Variants in DNHD1 observed in about 807,000 individuals in gnomAD.
DNHD1 encodes dynein heavy chain domain-containing protein 1.
Under a neutral mutation model 458.1 loss-of-function variants are expected in DNHD1, and 383 were observed. The observed-to-expected ratio is 0.84, with a 90% CI of 0.77 to 0.91. The LOEUF is 0.91. Among genes scored for constraint, DNHD1 ranks in the 40% least tolerant of loss-of-function variants. The probability of loss-of-function intolerance (pLI) is 0.00; values close to 1 mark genes in which losing one functional copy is unlikely to be tolerated. For missense variants in DNHD1, 5,336 were observed against 5,866.1 expected (o/e 0.91, Z 2.95); for synonymous variants, 2,203 against 2,376.9 (o/e 0.93, Z 2.13).
rs1354298247 is a variant in DNHD1 at position 6,528,729 on chromosome 11, A to T, written c.2045A>T (p.Asp682Val). 1 of 1,551,746 alleles carries T rather than the reference A, an allele frequency of 6.4e-7. No homozygotes were observed. Residue 682 changes from aspartate to valine, a missense_variant, in exon 11 of 43, where the codon GAC becomes GTC. Asp to Val is a radical substitution (Grantham distance 152, BLOSUM62 -3). Around this residue, in one of 4 missense-constraint regions of DNHD1, gnomAD observed 3,932 missense variants for 4,365.6 expected, o/e 0.90. Coordinates refer to ENST00000254579, the MANE Select transcript of DNHD1 (RefSeq NM_144666.3). The part of the protein sequence containing the change: ...FPHNYKQLEE[D>V]LDNNPKIQQA... ...CACAATTATAAGCAGCTGGAGGAAG[A>T]CCTGGACAACAACCCTAAGATCCAG...
chr11:6,509,617 G>A (rs890834534), intron 6 of DNHD1, among the ~76,000 whole-genome samples: 8 of 152,114 alleles, frequency 5.3e-5, no homozygotes, highest in African/African-American at 1.4e-4. Flanking sequence ...TTGCACTCAC[G>A]TAATTATGTG....
In DNHD1 at chr11:6,544,978, AGCGT is replaced by A; in HGVS notation, c.4042_4045del (p.Val1348SerfsTer20). The A allele has an allele frequency of 1.3e-6, 2 of 1,551,638 alleles. No homozygotes were observed. Among genetic ancestry groups the A allele is most frequent in the South Asian group, 2.4e-5 (2 of 84,060 alleles). ...GGAGGGCATCATCATGAGTCTGGAG[AGCGT>A]GCTCTATGGGGTGTGTGCTCACTTC... is the stretch of plus-strand genomic sequence containing the variant. On this transcript the variant is annotated frameshift_variant, in exon 21 of 43. Coordinates refer to ENST00000254579, the MANE Select transcript of DNHD1 (RefSeq NM_144666.3).
At chr11:6,558,813 A>C in intron 26 of DNHD1, 89 bp from the exon 27 acceptor site, 2 of 1,509,444 alleles carry the variant, frequency 1.3e-6, no homozygotes, top group East Asian at 4.9e-5. Flanking sequence ...CACATTTCCT[A>C]CCCTTCTTCC....
In DNHD1 at chr11:6,546,057, C is replaced by G; in HGVS notation, c.5118C>G (p.Arg1706=). The G allele has an allele frequency of 6.4e-7, 1 of 1,551,278 alleles. No homozygotes were observed. The highest frequency in any genetic ancestry group is 8.7e-7 in the Non-Finnish European group (1 of 1,146,648). The change falls in exon 21 of 43, where the codon CGC becomes CGG. Residue 1706 remains arginine (R), a synonymous_variant. Coordinates refer to ENST00000254579, the MANE Select transcript of DNHD1 (RefSeq NM_144666.3). ...IVNSLAQALG[R]QLVMLPCSPQ... Reference sequence around the variant, plus strand: ...ACAGCCTGGCACAGGCCCTGGGCCGCCAGCTGGTGATGCTACCCTGCTCAC... The same window carrying G: ...ACAGCCTGGCACAGGCCCTGGGCCGGCAGCTGGTGATGCTACCCTGCTCAC...
chr11:6,564,242 T>A, intron 31 of DNHD1, 91 bp from the exon 32 acceptor site: 1 of 1,454,292 alleles, frequency 6.9e-7, no homozygotes, highest in South Asian at 1.4e-5. Context: ...CGTACTTTCC[T>A]CCACACCCCA....
chr11:6,539,120 C>T (rs561955385), intron 16 of DNHD1, 99 bp from the exon 17 acceptor site: 6 of 819,088 alleles, frequency 7.3e-6, no homozygotes, highest in Non-Finnish European at 1.2e-5. Context: ...TATCTGGGGT[C>T]TGAGCTGGGC....
intron 12 of DNHD1, among the ~76,000 whole-genome samples, chr11:6,531,264 A>G (rs1202707851): frequency 1.3e-5 from 2 of 152,160 alleles, no homozygotes; most frequent in Non-Finnish European, 2.9e-5. Flanking sequence ...CACTCTGACG[A>G]ATTAGCTTCA....
At chr11:6,515,496 A>T (rs899923160) in intron 7 of DNHD1, among the ~76,000 whole-genome samples, 1 of 152,222 alleles carries the variant, frequency 6.6e-6, no homozygotes, top group Non-Finnish European at 1.5e-5. Flanking sequence ...GCTTCAAGGC[A>T]TGACAACTCT....
rs753571942 is a variant in DNHD1, at chr11:6,570,680, C to A, written c.13168C>A (p.Pro4390Thr). The A allele has an allele frequency of 3.1e-6, 5 of 1,612,088 alleles. No homozygotes were observed. The South Asian group carries it at 5.5e-5, about 18-fold the overall frequency. ...KAQMHLLPSP[P>T]EPRLCGLSEG... ...CCAGATGCACCTACTGCCCTCACCACCTGAACCCCGGCTCTGCGGACTGAG... is the reference window on the plus strand; with the variant it reads ...CCAGATGCACCTACTGCCCTCACCAACTGAACCCCGGCTCTGCGGACTGAG... The change falls in exon 42 of 43, where the codon CCT becomes ACT. Residue 4390 changes from proline (P) to threonine (T), a missense_variant. Pro to Thr is a conservative substitution (Grantham distance 38). Around this residue, in one of 4 missense-constraint regions of DNHD1, gnomAD observed 698 missense variants for 664.9 expected, o/e 1.05. Coordinates refer to ENST00000254579, the MANE Select transcript of DNHD1 (RefSeq NM_144666.3).
At position 6,512,382 on chromosome 11, in the gene DNHD1, G is replaced by A. The variant is rs988085356; in HGVS notation, c.1392+953G>A. Among the ~76,000 whole-genome samples, 11 of 148,998 alleles carry A rather than the reference G, an allele frequency of 7.4e-5. No individual in the cohort carries two copies. The South Asian group carries it at 8.3e-4, about 11-fold the overall frequency. Reference sequence around the variant, plus strand: ...ACTACAGGCACCCACCACCATGCCCGGCTAATTTTTTTTGTATTTTTAGTA... The same window carrying A: ...ACTACAGGCACCCACCACCATGCCCAGCTAATTTTTTTTGTATTTTTAGTA... On this transcript the variant is annotated intron_variant, in intron 7 of 42. Coordinates refer to ENST00000254579, the MANE Select transcript of DNHD1 (RefSeq NM_144666.3).
chr11:6,548,534 T>C lies in DNHD1; in HGVS notation c.7099-111T>C, dbSNP rs1853270986. On this transcript the variant is annotated intron_variant, in intron 23 of 42. Coordinates refer to ENST00000254579, the MANE Select transcript of DNHD1 (RefSeq NM_144666.3). The surrounding 1 kb of genome is among the most constrained non-coding windows in gnomAD (Gnocchi z 4.4). ...ATATTTTCACAATCACAAGAATACA[T>C]GAAATATTTTCCAAGTACAGCTCTA... The C allele has an allele frequency of 6.8e-7, 1 of 1,463,238 alleles. No homozygotes were observed. The highest frequency in any genetic ancestry group is 9.2e-7 in the Non-Finnish European group (1 of 1,082,522). 90.6% of individuals were successfully genotyped at this position (1,463,238 alleles called of 1,614,324 possible).
chr11:6,557,699 C>A lies in DNHD1; in HGVS notation c.8404C>A (p.Pro2802Thr), dbSNP rs1316450978. 6.4e-7 allele frequency: 1 copy of A among 1,551,622 alleles called. No homozygotes were observed. Among genetic ancestry groups the A allele is most frequent in the Non-Finnish European group, 8.7e-7 (1 of 1,146,994 alleles). Reference protein sequence around the residue: ...QKKPQMDLISPLLLPVLLLHP... With the variant: ...QKKPQMDLISTLLLPVLLLHP... ...GAAACCCCAGATGGACCTGATCTCA[C>A]CCTTGTTGTTACCAGTGTTACTACT... The change falls in exon 25 of 43, where the codon CCC becomes ACC. Residue 2802 changes from proline to threonine, a missense_variant. Around this residue, in one of 4 missense-constraint regions of DNHD1, gnomAD observed 3,932 missense variants for 4,365.6 expected, o/e 0.90. Coordinates refer to ENST00000254579, the MANE Select transcript of DNHD1 (RefSeq NM_144666.3).
At chr11:6,510,360 C>T (rs1212133021) in intron 6 of DNHD1, among the ~76,000 whole-genome samples, 2 of 152,208 alleles carry the variant, frequency 1.3e-5, no homozygotes, top group African/African-American at 4.8e-5. Context: ...GCTGGGATTA[C>T]AGGCGTGAGC....
chr11:6,501,347 A>G (rs748649081), intron 3 of DNHD1, among the ~76,000 whole-genome samples: 92 of 151,078 alleles, frequency 6.1e-4, no homozygotes, highest in Non-Finnish European at 1.1e-3. Context: ...CCCTTAACAC[A>G]GTGCTTGAGA....
In DNHD1 at chr11:6,557,852, G is replaced by A; in HGVS notation, c.8557G>A (p.Ala2853Thr). 1 of 1,551,040 alleles carries A rather than the reference G, an allele frequency of 6.4e-7. No individual in the cohort carries two copies. Among genetic ancestry groups the A allele is most frequent in the Non-Finnish European group, 8.7e-7 (1 of 1,146,962 alleles). ...EKLEEQLATS[A>T]AQLKLSPHLA... ...GCTAGAGGAGCAGTTGGCCACCTCA[G>A]CTGCTCAACTGAAGTTGAGCCCCCA... The change falls in exon 25 of 43, where the codon GCT becomes ACT. Residue 2853 changes from alanine to threonine, a missense_variant. Ala to Thr is a moderately conservative substitution (Grantham distance 58, BLOSUM62 0). Transcript: ENST00000254579.
At chr11:6,550,603 A>G (rs938759980) in intron 24 of DNHD1, among the ~76,000 whole-genome samples, 6 of 152,244 alleles carry the variant, frequency 3.9e-5, no homozygotes, top group African/African-American at 1.4e-4. Context: ...TGACCCTGAG[A>G]TCTATATAGC....
chr11:6,519,642 C>T lies in DNHD1; in HGVS notation c.1435C>T (p.Arg479Ter), dbSNP rs749248577. Residue 479 changes from arginine (R) to a stop codon, truncating the protein, a stop_gained, in exon 8 of 43, where the codon CGA becomes TGA. Transcript: ENST00000254579. LOFTEE classifies it high-confidence loss of function. ...TYHMQQCLQE[R>*]VQNCDRIRTG... is the part of the protein sequence containing the mutation. ...CCACATGCAACAGTGCCTACAGGAG[C>T]GAGTACAAAACTGTGACAGGATCAG... 9 of 1,614,122 alleles carry T rather than the reference C, an allele frequency of 5.6e-6. No homozygotes were observed. The highest frequency in any genetic ancestry group is 5.5e-5 in the South Asian group (5 of 91,084).
chr11:6,520,746 C>T (rs1852588951), intron 10 of DNHD1: 1 of 1,003,176 alleles, frequency 1.0e-6, no homozygotes. Flanking sequence ...TTATGGTTAC[C>T]AATTATTATT....
At chr11:6,561,984 T>A (rs1434402261) in intron 28 of DNHD1, among the ~76,000 whole-genome samples, 1 of 152,154 alleles carries the variant, frequency 6.6e-6, no homozygotes, top group Non-Finnish European at 1.5e-5. Context: ...ATGACAATGA[T>A]TCAGTTTTTA....
Sources: allele counts gnomAD v4.1 joint callset (sites outside exome capture counted in the v4.1 genomes callset), GRCh38; gene constraint gnomAD v4.1.1; regional missense constraint gnomAD v4.1.1; non-coding constraint Gnocchi (gnomAD v3.1); transcripts MANE v1.5; gene names NCBI Gene and HGNC (gene_info 2026-07-23, HGNC 2026-07-21).